CD200R1L: variants seen among roughly 807,000 people sequenced by gnomAD.
CD200R1L encodes the protein CD200 receptor 1 like, also known as cell surface glycoprotein CD200 receptor 2.
CD200R1L carries 14 observed loss-of-function variants against 24.8 expected under a neutral mutation model. The observed-to-expected ratio is 0.56, with a 90% CI of 0.37 to 0.88. The LOEUF is 0.88. CD200R1L is among the 40% of genes least tolerant of loss of function. The pLI, the probability that CD200R1L is intolerant of heterozygous loss-of-function variation, is 0.00. For missense variants in CD200R1L, 299 were observed against 297.8 expected (o/e 1.00, Z -0.03); for synonymous variants, 111 against 109.2 (o/e 1.02, Z -0.11).
At position 112,827,515 on chromosome 3, in the gene CD200R1L, A is replaced by G. The variant is rs756802749; in HGVS notation, c.219T>C (p.Thr73=). The change falls in exon 5 of 8, where the codon ACT becomes ACC. Residue 73 remains threonine (T), a synonymous_variant. Coordinates refer to ENST00000488794, the MANE Select transcript of CD200R1L (RefSeq NM_001199215.3). ...ETNETKETNC[T]VERITWVSRP... ...TAGAGACCCAGGTTATTCTCTCAAC[A>G]GTACAGTTGGTTTCCTTGGTCTCAT... The G allele has an allele frequency of 2.5e-6, 4 of 1,614,094 alleles. No individual in the cohort carries two copies. The highest frequency in any genetic ancestry group is 1.1e-5 in the South Asian group (1 of 91,090).
chr3:112,832,168 A>G (rs1033902853), intron 3 of CD200R1L, among the ~76,000 whole-genome samples: 7 of 152,216 alleles, frequency 4.6e-5, no homozygotes, highest in African/African-American at 1.7e-4. Context: ...AAAGGAATAC[A>G]AGGATCTTTT....
chr3:112,834,420 A>G (rs962088785), intron 3 of CD200R1L, among the ~76,000 whole-genome samples: 1 of 151,936 alleles, frequency 6.6e-6, no homozygotes, highest in African/African-American at 2.4e-5. Context: ...CTTGAGTTTC[A>G]TAGGGGAGAT....
At chr3:112,833,340 A>T (rs1938856617) in intron 3 of CD200R1L, among the ~76,000 whole-genome samples, 1 of 152,236 alleles carries the variant, frequency 6.6e-6, no homozygotes, top group African/African-American at 2.4e-5. Flanking sequence ...TGTGATAAAG[A>T]TGAAATGTGG....
chr3:112,839,223 C>T (rs1376652858), intron 2 of CD200R1L, among the ~76,000 whole-genome samples: 1 of 152,104 alleles, frequency 6.6e-6, no homozygotes, highest in Non-Finnish European at 1.5e-5. Flanking sequence ...TCGGGGTTTT[C>T]TGGAATTGGT....
intron 6 of CD200R1L, among the ~76,000 whole-genome samples, chr3:112,821,627 C>T (rs911249820): frequency 4.1e-5 from 6 of 148,092 alleles, no homozygotes; most frequent in Admixed American, 2.1e-4. Flanking sequence ...CACAGATCAC[C>T]GACTGTTTCT....
At chr3:112,820,779 AG>A (rs1338928705) in intron 6 of CD200R1L, among the ~76,000 whole-genome samples, 1 of 150,278 alleles carries the variant, frequency 6.7e-6, no homozygotes, top group African/African-American at 2.4e-5. Context: ...CCACCTAGGC[AG>A]GGTGTGGTGG....
Position 112,815,949 on chromosome 3 carries a change from C to A in CD200R1L, c.*14G>T, listed in dbSNP as rs763472679. The A allele has an allele frequency of 3.8e-6, 3 of 780,448 alleles. No individual in the cohort carries two copies. The South Asian group carries it at 4.0e-5, about 10-fold the overall frequency. The allele number at this position is 780,448 out of a possible 1,614,324, so 48.3% of individuals were successfully genotyped here. ...GACAAGGAGGAGAAGCAAAAGAAGA[C>A]CCTTCCTTCTTCTTTAAAGAACTTT... On this transcript the variant is annotated 3_prime_UTR_variant, in exon 8 of 8. Coordinates refer to ENST00000488794, the MANE Select transcript of CD200R1L (RefSeq NM_001199215.3).
chr3:112,819,813 G>A lies in CD200R1L; in HGVS notation c.699C>T (p.Val233=), dbSNP rs1303651927. 3.1e-6 allele frequency: 5 copies of A among 1,611,266 alleles called. No individual in the cohort carries two copies. The highest frequency in any genetic ancestry group is 4.2e-6 in the Non-Finnish European group (5 of 1,179,016). Residue 233 remains valine (V), a synonymous_variant, in exon 7 of 8, where the codon GTC becomes GTT. Transcript: ENST00000488794. ...TCTGGAAGAAAACAAATCCTGTGGT[G>A]ACCAGAATGACCACAAAAAGAGAGA... The part of the protein sequence containing the change: ...VKLSLFVVIL[V]TTGFVFFQRI...
Position 112,845,816 on chromosome 3 carries a change from G to A in CD200R1L, c.-224C>T. 1 of 1,038,722 alleles carries A rather than the reference G, an allele frequency of 9.6e-7. No individual in the cohort carries two copies. The highest frequency in any genetic ancestry group is 1.5e-6 in the Non-Finnish European group (1 of 674,348). The allele number at this position is 1,038,722 out of a possible 1,614,324, so 64.3% of individuals were successfully genotyped here. A position where few individuals can be genotyped will look rare whatever the true frequency, so the allele number is the denominator to read the frequency against. On this transcript the variant is annotated 5_prime_UTR_variant, in exon 2 of 8. Coordinates refer to ENST00000488794, the MANE Select transcript of CD200R1L (RefSeq NM_001199215.3). ...AGACTTGGTGAATCTGTTTCTCTTG[G>A]TCACTTTTGCTTATTCTGTCTTCAA...
At chr3:112,842,812 C>G (rs770520503) in intron 2 of CD200R1L, among the ~76,000 whole-genome samples, 1 of 152,202 alleles carries the variant, frequency 6.6e-6, no homozygotes, top group Non-Finnish European at 1.5e-5. Context: ...AAACTCCGCC[C>G]TGGTAAATTT....
chr3:112,820,088 T>G (rs747439349), intron 6 of CD200R1L, among the ~76,000 whole-genome samples, 193 bp from the exon 7 acceptor site: 2 of 152,248 alleles, frequency 1.3e-5, no homozygotes, highest in Non-Finnish European at 2.9e-5. Flanking sequence ...GAACCATGTT[T>G]GTGTTTTGTA....
At chr3:112,820,247 A>T (rs890533796) in intron 6 of CD200R1L, among the ~76,000 whole-genome samples, 2 of 152,178 alleles carry the variant, frequency 1.3e-5, no homozygotes, top group African/African-American at 2.4e-5. Context: ...AAAGAACATT[A>T]CTCTTAATAT....
Position 112,827,658 on chromosome 3 carries a change from C to T in CD200R1L, c.76G>A (p.Asp26Asn). The T allele has an allele frequency of 6.2e-7, 1 of 1,613,702 alleles. No homozygotes were observed. The highest frequency in any genetic ancestry group is 8.5e-7 in the Non-Finnish European group (1 of 1,179,812). Reference sequence around the variant, plus strand: ...GGGCAACAAAGCACAGCATTTATATCCATCAGTACAGGCTGTGAAATGTTA... The same window carrying T: ...GGGCAACAAAGCACAGCATTTATATTCATCAGTACAGGCTGTGAAATGTTA... ...EGNISQPVLM[D>N]INAVLCCPPI... The change falls in exon 5 of 8, where the codon GAT (aspartate) becomes AAT (asparagine). Residue 26 changes from aspartate to asparagine, a missense_variant. Transcript: ENST00000488794.
chr3:112,822,898 C>T (rs971096704), intron 6 of CD200R1L, among the ~76,000 whole-genome samples: 1 of 152,102 alleles, frequency 6.6e-6, no homozygotes, highest in Non-Finnish European at 1.5e-5. Flanking sequence ...TTAAAGGGTG[C>T]CAGGGAAGAC....
intron 3 of CD200R1L, 28 bp from the exon 4 acceptor site, chr3:112,829,412 G>T: frequency 1.3e-6 from 2 of 1,592,402 alleles, no homozygotes; most frequent in Non-Finnish European, 1.7e-6. Flanking sequence ...AAGAATAAGC[G>T]AAATCAATTT....
chr3:112,845,530 GA>G, intron 2 of CD200R1L, 148 bp downstream of exon 2: 1 of 618,832 alleles, frequency 1.6e-6, no homozygotes, highest in Non-Finnish European at 2.8e-6. Flanking sequence ...AGGCAACTCA[GA>G]AGGAGTTTTG....
Position 112,826,849 on chromosome 3 carries a change from C to T in CD200R1L, c.616+144G>A, listed in dbSNP as rs577511218. The T allele has an allele frequency of 7.9e-6, 7 of 887,464 alleles. No individual in the cohort carries two copies. In the South Asian group the frequency reaches 9.8e-5, roughly 12 times the overall value. The allele number at this position is 887,464 out of a possible 1,614,324, so 55.0% of individuals were successfully genotyped here. Reference sequence around the variant, plus strand: ...TGTTCTACTAAAAGACAGATTCTAGCGTTGTAATGCATTTCTCAGTTTGAG... The same window carrying T: ...TGTTCTACTAAAAGACAGATTCTAGTGTTGTAATGCATTTCTCAGTTTGAG... On this transcript the variant is annotated intron_variant, in intron 6 of 7. Transcript: ENST00000488794.
In CD200R1L at chr3:112,827,246, A is replaced by G; in HGVS notation, c.368-5T>C. On this transcript the variant is annotated splice_polypyrimidine_tract_variant and splice_region_variant and intron_variant, in intron 5 of 7. Transcript: ENST00000488794. ...ATAGGTTCACTTCGGGTGTAACTGC[A>G]GAGAGGAAAGAGGGAAAAAAATGCT... The G allele has an allele frequency of 5.0e-6, 8 of 1,601,904 alleles. No individual in the cohort carries two copies. The South Asian group carries it at 8.9e-5, about 18-fold the overall frequency.
intron 2 of CD200R1L, among the ~76,000 whole-genome samples, chr3:112,838,388 C>T (rs1284313099): frequency 6.6e-6 from 1 of 151,784 alleles, no homozygotes; most frequent in East Asian, 1.9e-4. Context: ...TGATAGACAA[C>T]CTCCCCCACT....
Sources: gnomAD v4.1 joint callset for allele counts (sites outside exome capture counted in the v4.1 genomes callset) on GRCh38, gnomAD v4.1.1 for gene constraint, MANE v1.5 for transcripts, NCBI Gene and HGNC (gene_info 2026-07-23, HGNC 2026-07-21) for gene names.